TLL1: variants seen among roughly 807,000 people sequenced by gnomAD.
TLL1 encodes the protein tolloid-like protein 1.
TLL1 carries 49 observed loss-of-function variants against 128.2 expected under a neutral mutation model. That is an observed-to-expected ratio of 0.38 (90% confidence interval 0.30 to 0.48). The LOEUF (loss-of-function observed/expected upper bound fraction) is 0.48. Among genes scored for constraint, TLL1 ranks in the 20% least tolerant of loss-of-function variants. The probability of loss-of-function intolerance (pLI) is 0.96; values close to 1 mark genes in which losing one functional copy is unlikely to be tolerated. For missense variants in TLL1, 1,123 were observed against 1,242.0 expected, an observed-to-expected ratio of 0.90 and a Z score of 1.44; for synonymous variants, 454 against 418.8, an observed-to-expected ratio of 1.08 and a Z score of -1.03.
chr4:166,047,776 T>C (rs1739527432), intron 12 of TLL1, among the ~76,000 whole-genome samples: 1 of 152,146 alleles, frequency 6.6e-6, no homozygotes, highest in Non-Finnish European at 1.5e-5. Context: ...TCTTGATGCC[T>C]CTGTAATTAT....
intron 16 of TLL1, among the ~76,000 whole-genome samples, chr4:166,069,056 AAG>A (rs1194261603): frequency 6.6e-6 from 1 of 151,748 alleles, no homozygotes; most frequent in Non-Finnish European, 1.5e-5. Context: ...ATAAATATAA[AAG>A]AAAAAACTCC....
intron 7 of TLL1, among the ~76,000 whole-genome samples, chr4:166,011,540 T>G (rs1440996725): frequency 6.6e-6 from 1 of 151,528 alleles, no homozygotes; most frequent in Non-Finnish European, 1.5e-5. Context: ...TGTGGAACAG[T>G]TAGAATTTTC....
At chr4:165,877,226 T>C (rs193051282) in intron 1 of TLL1, among the ~76,000 whole-genome samples, 3 of 152,348 alleles carry the variant, frequency 2.0e-5, no homozygotes, top group African/African-American at 7.2e-5. Flanking sequence ...GTTAATTTGA[T>C]AGGATTTTTA....
At chr4:165,970,201 TTTA>T (rs139860795) in intron 1 of TLL1, among the ~76,000 whole-genome samples, 2,706 of 152,302 alleles carry the variant, frequency 0.018, 66 homozygotes, top group African/African-American at 0.061. Flanking sequence ...GATATTTATG[TTTA>T]TTATTTACTT....
At position 166,085,475 on chromosome 4, in the gene TLL1, G is replaced by GTT. The variant is rs58241157; in HGVS notation, c.2443-5644_2443-5643dup. Among the ~76,000 whole-genome samples, 194 of 147,498 alleles carry GTT rather than the reference G, an allele frequency of 1.3e-3. 1 individual carries two copies. Among genetic ancestry groups the GTT allele is most frequent in the African/African-American group, 3.7e-3 (151 of 40,668 alleles). ...CTTTATATGCCTAATTTGTTGAGAGGTTTTTTTTTTATCATGAAAGGATGT... is the reference window on the plus strand; with the variant it reads ...CTTTATATGCCTAATTTGTTGAGAGGTTTTTTTTTTTTATCATGAAAGGATGT... On this transcript the variant is annotated intron_variant, in intron 18 of 20. Transcript: ENST00000061240.
rs139327975 is a variant in TLL1 at position 165,938,021 on chromosome 4, A to G, written c.170-51360A>G. ...AAATTTTATTTTAAAAAATTTCAGC[A>G]TTTCCTAGATTATGTATTAACGTTG... On this transcript the variant is annotated intron_variant, in intron 1 of 20. Transcript: ENST00000061240. Among the ~76,000 whole-genome samples the G allele has an allele frequency of 4.6e-3, 699 of 151,956 alleles. 7 individuals are homozygous for G. The highest frequency in any genetic ancestry group is 0.016 in the African/African-American group (661 of 41,492).
intron 18 of TLL1, among the ~76,000 whole-genome samples, chr4:166,089,851 T>C (rs1741683514): frequency 6.6e-6 from 1 of 152,120 alleles, no homozygotes; most frequent in Admixed American, 6.6e-5. Context: ...TTTTCTTTCT[T>C]CCGTTAAGTA....
chr4:165,955,668 A>T (rs983041112), intron 1 of TLL1, among the ~76,000 whole-genome samples: 1 of 152,154 alleles, frequency 6.6e-6, no homozygotes, highest in Non-Finnish European at 1.5e-5. Context: ...TTCAACCAAG[A>T]GTTTCATATG....
chr4:166,104,453 A>G lies in TLL1; in HGVS notation c.*3577A>G, dbSNP rs539109394. Among the ~76,000 whole-genome samples, 4 of 151,982 alleles carry G rather than the reference A, an allele frequency of 2.6e-5. No individual in the cohort carries two copies. The highest frequency in any genetic ancestry group is 5.9e-5 in the Non-Finnish European group (4 of 67,930). On this transcript the variant is annotated 3_prime_UTR_variant, in exon 21 of 21. Coordinates refer to ENST00000061240, the MANE Select transcript of TLL1 (RefSeq NM_012464.5). ...AGCAGAAAATATAATTGCCTTCTAA[A>G]GATATATAATTCGAATTGCAGTAAT...
At chr4:165,986,424 G>A (rs191333451) in intron 1 of TLL1, among the ~76,000 whole-genome samples, 2,320 of 149,840 alleles carry the variant, frequency 0.015, 78 homozygotes, top group East Asian at 0.14. Flanking sequence ...AAGTTCTAAC[G>A]TGCCTTTTTT....
chr4:166,026,841 A>C (rs1738520907), intron 9 of TLL1, among the ~76,000 whole-genome samples: 1 of 152,234 alleles, frequency 6.6e-6, no homozygotes, highest in African/African-American at 2.4e-5. Context: ...AGACAACAAA[A>C]TGAGAGTAAA....
intron 5 of TLL1, among the ~76,000 whole-genome samples, chr4:166,001,042 G>T (rs1737124413): frequency 6.6e-6 from 1 of 152,162 alleles, no homozygotes; most frequent in Non-Finnish European, 1.5e-5. Context: ...AGGGTAGGGG[G>T]AGAGGGAGAT....
At chr4:165,932,700 CT>C (rs757527819) in intron 1 of TLL1, among the ~76,000 whole-genome samples, 27 of 150,842 alleles carry the variant, frequency 1.8e-4, no homozygotes, top group Non-Finnish European at 3.0e-4. Flanking sequence ...TTTGGAATTT[CT>C]TGTCAGAAAA....
intron 19 of TLL1, among the ~76,000 whole-genome samples, chr4:166,097,216 AGGGGCAAATAATTCTTG>A (rs1011231205): frequency 2.6e-5 from 4 of 152,110 alleles, no homozygotes; most frequent in African/African-American, 9.7e-5. Context: ...CATCCCAAGA[AGGGGCAAATAATTCTTG>A]GAGTTACTGA....
chr4:166,055,298 A>T (rs1739952918), intron 13 of TLL1, 27 bp downstream of exon 13: 4 of 1,596,430 alleles, frequency 2.5e-6, no homozygotes, highest in Non-Finnish European at 2.6e-6. Context: ...TTCAAACGTG[A>T]GATTTTCTTT....
At chr4:166,096,449 T>A (rs1742027699) in intron 19 of TLL1, among the ~76,000 whole-genome samples, 1 of 152,020 alleles carries the variant, frequency 6.6e-6, no homozygotes, top group South Asian at 2.1e-4. Context: ...AAAGACAACT[T>A]CCAGTGATTT....
chr4:165,886,383 A>G (rs778836989), intron 1 of TLL1, among the ~76,000 whole-genome samples: 3 of 152,226 alleles, frequency 2.0e-5, no homozygotes, highest in Admixed American at 6.5e-5. Context: ...TTAAATTAAT[A>G]CAAGCACTAT....
In TLL1 at chr4:165,992,855, T is replaced by G; in HGVS notation, c.332T>G (p.Leu111Arg). Residue 111 changes from leucine (L) to arginine (R), a missense_variant, in exon 3 of 21, where the codon CTT becomes CGT. Leu to Arg is a moderately radical substitution (Grantham distance 102, BLOSUM62 -2). Transcript: ENST00000061240. ...MSKKRGALYQ[L>R]IDRIRRIGFG... ...AAGAAGCGAGGGGCCCTCTACCAAC[T>G]TATAGACAGGATAAGAAGAATTGGC... The G allele has an allele frequency of 6.2e-7, 1 of 1,613,358 alleles. No homozygotes were observed. The highest frequency in any genetic ancestry group is 1.1e-5 in the South Asian group (1 of 91,074).
intron 1 of TLL1, among the ~76,000 whole-genome samples, chr4:165,961,304 T>C (rs924918447): frequency 3.3e-5 from 5 of 151,936 alleles, no homozygotes; most frequent in African/African-American, 1.2e-4. Context: ...CAAAACACAG[T>C]TGAAAGAAAT....
Sources: allele counts gnomAD v4.1 joint callset (sites outside exome capture counted in the v4.1 genomes callset), GRCh38; gene constraint gnomAD v4.1.1; transcripts MANE v1.5; gene names NCBI Gene and HGNC (gene_info 2026-07-23, HGNC 2026-07-21).